GKAP1: variants seen among roughly 807,000 people sequenced by gnomAD.
GKAP1 encodes G kinase-anchoring protein 1.
A neutral mutation model predicts 56.7 loss-of-function variants in GKAP1; 31 were observed. That is an observed-to-expected ratio of 0.55 (90% CI 0.41 to 0.74). GKAP1 has a LOEUF of 0.74. GKAP1 is among the 30% of genes least tolerant of loss of function. The probability of loss-of-function intolerance (pLI) is 0.00; values close to 1 mark genes in which losing one functional copy is unlikely to be tolerated. For missense variants in GKAP1, 364 were observed against 402.3 expected (o/e 0.90, Z 0.82); for synonymous variants, 151 against 138.6 (o/e 1.09, Z -0.63).
chr9:83,744,712 T>C (rs4099085), intron 10 of GKAP1, among the ~76,000 whole-genome samples: 1 of 152,162 alleles, frequency 6.6e-6, no homozygotes, highest in African/African-American at 2.4e-5. Flanking sequence ...ACAGGTGTAT[T>C]AGTTCATTCT....
intron 9 of GKAP1, among the ~76,000 whole-genome samples, chr9:83,749,503 C>T (rs1943351005): frequency 6.6e-6 from 1 of 152,140 alleles, no homozygotes; most frequent in African/African-American, 2.4e-5. Flanking sequence ...GCTGGGATTA[C>T]AGGCGTGAGC....
intron 2 of GKAP1, among the ~76,000 whole-genome samples, chr9:83,810,451 C>T (rs993605636): frequency 6.6e-6 from 1 of 152,212 alleles, no homozygotes; most frequent in African/African-American, 2.4e-5. Context: ...TAGTATCTTT[C>T]CTATAAATTT....
chr9:83,792,732 TAAAA>T (rs1944182170), intron 4 of GKAP1, among the ~76,000 whole-genome samples: 1 of 151,970 alleles, frequency 6.6e-6, no homozygotes, highest in African/African-American at 2.4e-5. Context: ...AATGTATAGG[TAAAA>T]GAGAGAGGGA....
chr9:83,809,528 G>T (rs1944480128), intron 2 of GKAP1, among the ~76,000 whole-genome samples: 1 of 152,220 alleles, frequency 6.6e-6, no homozygotes, highest in African/African-American at 2.4e-5. Flanking sequence ...TATGTTCAAG[G>T]TGCCTAAACA....
Position 83,739,702 on chromosome 9 carries a change from T to C in GKAP1, c.1096A>G (p.Arg366Gly). The change falls in exon 13 of 13, where the codon AGG becomes GGG. Residue 366 changes from arginine (R) to glycine (G), a missense_variant. Coordinates refer to ENST00000376371, the MANE Select transcript of GKAP1 (RefSeq NM_025211.4). ...GKRNSESDQC[R>G] ...GACTTCAAAGGCTAATGTAATCACC[T>C]ACACTGGTCGGATTCAGAGTTTCTT... The C allele has an allele frequency of 6.2e-7, 1 of 1,608,244 alleles. No individual in the cohort carries two copies. The highest frequency in any genetic ancestry group is 8.5e-7 in the Non-Finnish European group (1 of 1,177,416).
At chr9:83,740,540 G>A (rs1431207605) in intron 12 of GKAP1, among the ~76,000 whole-genome samples, 1 of 152,106 alleles carries the variant, frequency 6.6e-6, no homozygotes, top group Non-Finnish European at 1.5e-5. Context: ...TATAATAGTT[G>A]TATGTATAGT....
intron 5 of GKAP1, among the ~76,000 whole-genome samples, chr9:83,788,354 C>T (rs1004807709): frequency 2.0e-5 from 3 of 152,156 alleles, no homozygotes; most frequent in Non-Finnish European, 4.4e-5. Context: ...CTCTTCCCTT[C>T]ATCTTGGGTG....
At chr9:83,742,479 G>T in intron 11 of GKAP1, 51 bp downstream of exon 11, 3 of 1,188,630 alleles carry the variant, frequency 2.5e-6, no homozygotes, top group Non-Finnish European at 3.7e-6. Flanking sequence ...AATAATTCAA[G>T]ACTAAAGACA....
Position 83,784,710 on chromosome 9 carries a change from A to G in GKAP1, c.562+5T>C, listed in dbSNP as rs201249422. The stretch of plus-strand genomic sequence containing the variant: ...TTTAGCATAATAGCATTGTATATAC[A>G]TTACCTTCCGAATGAAAATCTTTTA... On this transcript the variant is annotated splice_donor_5th_base_variant and intron_variant, in intron 6 of 12. Transcript: ENST00000376371. 2.4e-5 allele frequency: 38 copies of G among 1,580,190 alleles called. No homozygotes were observed. Among genetic ancestry groups the G allele is most frequent in the Non-Finnish European group, 3.4e-6 (4 of 1,161,828 alleles).
Position 83,753,271 on chromosome 9 carries a change from A to T in GKAP1, c.827T>A (p.Ile276Asn). 3.1e-6 allele frequency: 5 copies of T among 1,595,720 alleles called. No homozygotes were observed. The highest frequency in any genetic ancestry group is 4.3e-6 in the Non-Finnish European group (5 of 1,163,958). The change falls in exon 9 of 13, where the codon ATC becomes AAC. Residue 276 changes from isoleucine (I) to asparagine (N), a missense_variant. Ile to Asn is a moderately radical substitution (Grantham distance 149, BLOSUM62 -3). Coordinates refer to ENST00000376371, the MANE Select transcript of GKAP1 (RefSeq NM_025211.4). ...DAEIQKLKNV[I>N]TQWEAKYKEV... Reference sequence around the variant, plus strand: ...ATGGACACAAACCTCCCATTGAGTGATTACATTTTTCAGCTTCTGGATTTC... The same window carrying T: ...ATGGACACAAACCTCCCATTGAGTGTTTACATTTTTCAGCTTCTGGATTTC...
intron 4 of GKAP1, among the ~76,000 whole-genome samples, chr9:83,789,897 T>C (rs934713425): frequency 1.3e-5 from 2 of 152,218 alleles, no homozygotes; most frequent in African/African-American, 4.8e-5. Flanking sequence ...TTAATTCAAA[T>C]CTGTGAATCA....
At chr9:83,756,525 T>C (rs1452009008) in intron 8 of GKAP1, among the ~76,000 whole-genome samples, 1 of 99,012 alleles carries the variant, frequency 1.0e-5, no homozygotes, top group Non-Finnish European at 2.4e-5. Context: ...ATGTCCTGAA[T>C]GCTCATCATT....
At position 83,742,024 on chromosome 9, in the gene GKAP1, A is replaced by T; in HGVS notation, c.981T>A (p.Thr327=). The change falls in exon 12 of 13, where the codon ACT becomes ACA. Residue 327 remains threonine, a synonymous_variant. Coordinates refer to ENST00000376371, the MANE Select transcript of GKAP1 (RefSeq NM_025211.4). ...CTTGTTCTAATGCAGCATGAAGTGA[A>T]GTCACCTATAACCAAATATTCAATA... The part of the protein sequence containing the change: ...SIKNELTIQV[T]SLHAALEQER... 9 of 1,584,002 alleles carry T rather than the reference A, an allele frequency of 5.7e-6. No individual in the cohort carries two copies. Among genetic ancestry groups the T allele is most frequent in the Non-Finnish European group, 7.7e-6 (9 of 1,167,696 alleles).
At chr9:83,789,474 C>T (rs76898431) in intron 4 of GKAP1, among the ~76,000 whole-genome samples, 15,483 of 152,148 alleles carry the variant, frequency 0.1, 1,011 homozygotes, top group Non-Finnish European at 0.14. Context: ...GGGTAAACAT[C>T]CTGGATTTGT....
intron 7 of GKAP1, among the ~76,000 whole-genome samples, chr9:83,771,598 T>C (rs1943762869): frequency 6.6e-6 from 1 of 152,190 alleles, no homozygotes; most frequent in Admixed American, 6.5e-5. Flanking sequence ...ATTACCTTAT[T>C]TGAATTTCAT....
intron 2 of GKAP1, among the ~76,000 whole-genome samples, chr9:83,815,359 G>A (rs1944567699): frequency 6.6e-6 from 1 of 151,282 alleles, no homozygotes; most frequent in Non-Finnish European, 1.5e-5. Flanking sequence ...CAATCCTCCA[G>A]CCTCGGCCTC....
intron 3 of GKAP1, among the ~76,000 whole-genome samples, chr9:83,799,571 A>T (rs1944299387): frequency 6.6e-6 from 1 of 152,222 alleles, no homozygotes; most frequent in African/African-American, 2.4e-5. Flanking sequence ...AAAATGTATT[A>T]TACTCTATTA....
At chr9:83,782,868 C>T (rs1943999716) in intron 6 of GKAP1, among the ~76,000 whole-genome samples, 2 of 151,958 alleles carry the variant, frequency 1.3e-5, no homozygotes, top group African/African-American at 4.8e-5. Flanking sequence ...AGGGTTTCAC[C>T]ATGTTGGCCA....
At chr9:83,749,889 G>A (rs950335050) in intron 9 of GKAP1, among the ~76,000 whole-genome samples, 1 of 152,156 alleles carries the variant, frequency 6.6e-6, no homozygotes, top group Admixed American at 6.5e-5. Flanking sequence ...ATGAACAAGG[G>A]AGACCAGTCA....
Sources: allele counts gnomAD v4.1 joint callset (sites outside exome capture counted in the v4.1 genomes callset), GRCh38; gene constraint gnomAD v4.1.1; transcripts MANE v1.5; gene names NCBI Gene and HGNC (gene_info 2026-07-23, HGNC 2026-07-21).